The following PPP1R1C variants were observed in gnomAD, a reference collection of about 807,000 sequenced individuals.
The protein encoded by PPP1R1C is protein phosphatase 1 regulatory subunit 1C.
Under a neutral mutation model 17.4 loss-of-function variants are expected in PPP1R1C, and 15 were observed. The ratio of observed to expected loss-of-function variants is 0.86; its 90% CI spans 0.58 to 1.33. The LOEUF (loss-of-function observed/expected upper bound fraction) is 1.33, where lower values mean the gene tolerates loss of function less well. Among genes scored for constraint, PPP1R1C ranks in the 40% most tolerant of loss-of-function variants. The pLI, the probability that PPP1R1C is intolerant of heterozygous loss-of-function variation, is 0.00. For synonymous variants in PPP1R1C, 35 were observed against 43.1 expected (o/e 0.81, Z 0.73); for missense variants, 143 against 130.0 (o/e 1.10, Z -0.48).
rs1204080029 is a variant in PPP1R1C, at chr2:181,976,485, A to G, written n.157+1221A>G. 2.0e-5 allele frequency among the ~76,000 whole-genome samples: 3 copies of G among 152,170 alleles called. No homozygotes were observed. The highest frequency in any genetic ancestry group is 4.4e-5 in the Non-Finnish European group (3 of 68,024). ...AAATGGGTTATTTATTCATTTATTT[A>G]TTTATATCGTTGAGTAAGAGGATCA... On this transcript the variant is annotated intron_variant and non_coding_transcript_variant, in intron 2 of 5. Coordinates refer to the PPP1R1C transcript ENST00000464264. The surrounding 1 kb of genome is among the most constrained non-coding windows in gnomAD (Gnocchi z 4.8).
intron 2 of PPP1R1C, among the ~76,000 whole-genome samples, chr2:181,997,014 G>A (rs1368965603): frequency 6.6e-6 from 1 of 152,116 alleles, no homozygotes; most frequent in African/African-American, 2.4e-5. Context: ...CGGATCACGA[G>A]GTCAGGAGAT....
At chr2:182,051,642 A>T (rs1227003440) in intron 2 of PPP1R1C, among the ~76,000 whole-genome samples, 3 of 151,022 alleles carry the variant, frequency 2.0e-5, no homozygotes. Context: ...GGTGAGTCCC[A>T]CTGCCTTAGA....
At chr2:181,983,101 T>A (rs1685223262), upstream of PPP1R1C, among the ~76,000 whole-genome samples, 1 of 152,182 alleles carries the variant, frequency 6.6e-6, no homozygotes, top group Admixed American at 6.5e-5. Flanking sequence ...TACCACGTCA[T>A]CTTAAGATCT....
intron 2 of PPP1R1C, among the ~76,000 whole-genome samples, chr2:182,049,747 T>C (rs1313754361): frequency 6.6e-6 from 1 of 152,176 alleles, no homozygotes; most frequent in Non-Finnish European, 1.5e-5. Context: ...CTCTGATTTG[T>C]ATATTTTCTA....
intron 2 of PPP1R1C, among the ~76,000 whole-genome samples, chr2:182,016,519 C>T (rs2125159717): frequency 6.6e-6 from 1 of 152,198 alleles, no homozygotes; most frequent in East Asian, 1.9e-4. Flanking sequence ...GTATTATTCA[C>T]TTTATGTAAA....
At chr2:182,066,011 A>C (rs1559078875) in intron 4 of PPP1R1C, among the ~76,000 whole-genome samples, 1 of 152,218 alleles carries the variant, frequency 6.6e-6, no homozygotes, top group East Asian at 1.9e-4. Flanking sequence ...AATGGTTAAG[A>C]TGTGTTCTGA....
At chr2:182,110,096 G>A (rs1451993602) in intron 4 of PPP1R1C, among the ~76,000 whole-genome samples, 4 of 142,272 alleles carry the variant, frequency 2.8e-5, no homozygotes, top group African/African-American at 1.1e-4. Flanking sequence ...TATACCTCAA[G>A]ACAGCTAAAA....
intron 2 of PPP1R1C, among the ~76,000 whole-genome samples, chr2:181,989,098 T>A (rs1685384371): frequency 6.6e-6 from 1 of 152,192 alleles, no homozygotes; most frequent in Admixed American, 6.5e-5. Flanking sequence ...TTTATAGCAA[T>A]TTTCCATCAC....
At chr2:181,987,767 T>G (rs1685345513) in intron 1 of PPP1R1C, 72 bp from the exon 2 acceptor site, 2 of 1,506,438 alleles carry the variant, frequency 1.3e-6, no homozygotes, top group Non-Finnish European at 1.8e-6. Flanking sequence ...TGAGACAGCT[T>G]TGCAAGCTGC....
chr2:181,961,990 G>A lies in PPP1R1C; in HGVS notation n.111+7356G>A, dbSNP rs1684806768. 1 of 731,594 alleles carries A rather than the reference G, an allele frequency of 1.4e-6. No homozygotes were observed. The highest frequency in any genetic ancestry group is 2.5e-6 in the Non-Finnish European group (1 of 396,100). 45.3% of individuals were successfully genotyped at this position (731,594 alleles called of 1,614,324 possible). On this transcript the variant is annotated intron_variant and non_coding_transcript_variant, in intron 1 of 5. Transcript: ENST00000464264. This position sits in a 1 kb window ranked among gnomAD's most constrained non-coding sequence, Gnocchi z 5.8. ...GCTCTGTCTCATACTTGACTCTAAA[G>A]TCATCGGCTGCAAGACAGGCATTGT...
chr2:182,127,496 A>T (rs988302478), intron 5 of PPP1R1C, among the ~76,000 whole-genome samples: 11 of 152,118 alleles, frequency 7.2e-5, no homozygotes, highest in African/African-American at 2.7e-4. Flanking sequence ...ACCAACAAGC[A>T]ACAGGCAATT....
At chr2:182,114,091 G>A (rs560389471) in intron 4 of PPP1R1C, among the ~76,000 whole-genome samples, 1 of 151,962 alleles carries the variant, frequency 6.6e-6, no homozygotes, top group South Asian at 2.1e-4. Flanking sequence ...ATTTTCATAT[G>A]GCATATCCTT....
chr2:182,091,488 T>TA (rs140631695), intron 4 of PPP1R1C, among the ~76,000 whole-genome samples: 1,529 of 146,408 alleles, frequency 0.01, 28 homozygotes, highest in African/African-American at 0.038. Context: ...AAAAAAATAA[T>TA]AAAAAAAAAA....
intron 4 of PPP1R1C, among the ~76,000 whole-genome samples, chr2:182,098,262 G>A (rs1290088587): frequency 6.6e-5 from 10 of 152,094 alleles, no homozygotes; most frequent in Admixed American, 6.6e-4. Context: ...TAGAAATATA[G>A]ATTGAGTTCT....
chr2:182,094,488 T>C (rs1260538741), intron 4 of PPP1R1C, among the ~76,000 whole-genome samples: 1 of 152,202 alleles, frequency 6.6e-6, no homozygotes, highest in African/African-American at 2.4e-5. Flanking sequence ...ATGAATTCAG[T>C]AGAAAAAGTA....
chr2:182,043,811 G>A (rs1263011564), intron 2 of PPP1R1C, among the ~76,000 whole-genome samples: 1 of 152,066 alleles, frequency 6.6e-6, no homozygotes, highest in Admixed American at 6.6e-5. Context: ...GTCTTCCTGG[G>A]CATTCTCATC....
chr2:182,127,479 T>C (rs2125243686), intron 5 of PPP1R1C, among the ~76,000 whole-genome samples: 1 of 152,158 alleles, frequency 6.6e-6, no homozygotes, highest in South Asian at 2.1e-4. Context: ...GAATAGTGAA[T>C]CAAGACACCA....
chr2:182,063,339 A>G (rs1687898663), intron 3 of PPP1R1C, among the ~76,000 whole-genome samples: 1 of 152,064 alleles, frequency 6.6e-6, no homozygotes, highest in Non-Finnish European at 1.5e-5. Context: ...AACCCCACGA[A>G]CAGATACTAT....
At chr2:182,011,793 C>T (rs983001871) in intron 2 of PPP1R1C, among the ~76,000 whole-genome samples, 13 of 151,866 alleles carry the variant, frequency 8.6e-5, no homozygotes, top group East Asian at 1.9e-4. Context: ...CTGTATCCCA[C>T]AGGTTTTGGT....
Sources: gnomAD v4.1 joint callset for allele counts (sites outside exome capture counted in the v4.1 genomes callset) on GRCh38, gnomAD v4.1.1 for gene constraint, Gnocchi (gnomAD v3.1) non-coding constraint, MANE v1.5 for transcripts, NCBI Gene and HGNC (gene_info 2026-07-23, HGNC 2026-07-21) for gene names.